RANBP2: variants seen among roughly 807,000 people sequenced by gnomAD.
RANBP2 encodes RAN binding protein 2, also known as E3 SUMO-protein ligase RanBP2.
RANBP2 carries 57 observed loss-of-function variants against 303.6 expected under a neutral mutation model. That is an observed-to-expected ratio of 0.19 (90% CI 0.15 to 0.23). The LOEUF (loss-of-function observed/expected upper bound fraction) is 0.23. Among genes scored for constraint, RANBP2 ranks in the 10% least tolerant of loss-of-function variants. RANBP2 has a pLI of 1.00. For missense variants in RANBP2, 3,138 were observed against 3,780.8 expected (o/e 0.83, Z 4.46); for synonymous variants, 1,167 against 1,301.5 (o/e 0.90, Z 2.23).
the RANBP2 span, among the ~76,000 whole-genome samples, chr2:109,199,497 T>TC: frequency 3.9e-3 from 1 of 256 alleles, no homozygotes; most frequent in Non-Finnish European, 0.011. Flanking sequence ...ATGGAATGGA[T>TC]GGAATGGAAT....
chr2:108,959,648 G>A, the RANBP2 span, among the ~76,000 whole-genome samples: 11 of 152,156 alleles, frequency 7.2e-5, no homozygotes, highest in African/African-American at 2.2e-4. Context: ...TGTGGCATGC[G>A]CCCTGGGACT....
the RANBP2 span, among the ~76,000 whole-genome samples, chr2:109,380,283 T>C: frequency 6.6e-6 from 1 of 152,226 alleles, no homozygotes; most frequent in Non-Finnish European, 1.5e-5. Flanking sequence ...TTACATTCCA[T>C]TGCTGCTGGG....
At chr2:109,376,712 G>T in the RANBP2 span, among the ~76,000 whole-genome samples, 6 of 152,232 alleles carry the variant, frequency 3.9e-5, no homozygotes, top group Non-Finnish European at 8.8e-5. Context: ...GAAATTGGCT[G>T]CTCCCTGTGT....
At chr2:108,850,421 A>G in the RANBP2 span, among the ~76,000 whole-genome samples, 4 of 152,274 alleles carry the variant, frequency 2.6e-5, no homozygotes, top group African/African-American at 9.6e-5. Context: ...AAGAATCAGC[A>G]TATATAATAC....
At chr2:108,951,713 C>T in the RANBP2 span, among the ~76,000 whole-genome samples, 1 of 152,084 alleles carries the variant, frequency 6.6e-6, no homozygotes, top group South Asian at 2.1e-4. Flanking sequence ...CTAGATCATT[C>T]TAAAGGTTCT....
At chr2:109,615,244 CGGA>C in the RANBP2 span, 2 of 1,552,034 alleles carry the variant, frequency 1.3e-6, no homozygotes, top group African/African-American at 1.4e-5. Context: ...TCGTCGTCCG[CGGA>C]GGAGGAGAGC....
the RANBP2 span, among the ~76,000 whole-genome samples, chr2:109,033,269 C>T: frequency 5.3e-5 from 8 of 152,158 alleles, no homozygotes; most frequent in Non-Finnish European, 8.8e-5. Context: ...ATTCTGATTT[C>T]CACGACTCCT....
chr2:109,151,433 C>T, the RANBP2 span, among the ~76,000 whole-genome samples: 1 of 152,136 alleles, frequency 6.6e-6, no homozygotes, highest in Non-Finnish European at 1.5e-5. Context: ...AAAGCAGCAC[C>T]ATCCAATACA....
the RANBP2 span, among the ~76,000 whole-genome samples, chr2:109,738,924 T>C: frequency 1.1e-3 from 160 of 151,664 alleles, 5 homozygotes; most frequent in South Asian, 0.033. Context: ...TTTGGTTTAA[T>C]TTTTGTTTAA....
the RANBP2 span, among the ~76,000 whole-genome samples, chr2:109,452,794 A>C: frequency 2.9e-5 from 4 of 137,856 alleles, no homozygotes; most frequent in African/African-American, 1.1e-4. Flanking sequence ...GGTCCCTGGG[A>C]GGCTGGTGCT....
the RANBP2 span, among the ~76,000 whole-genome samples, chr2:108,818,230 T>TG: frequency 7.2e-5 from 11 of 151,964 alleles, no homozygotes; most frequent in Admixed American, 5.9e-4. Context: ...CACCTGAACC[T>TG]GGGGGGGTCG....
chr2:109,170,059 C>T, the RANBP2 span, among the ~76,000 whole-genome samples: 1 of 152,270 alleles, frequency 6.6e-6, no homozygotes, highest in African/African-American at 2.4e-5. Context: ...ATAATCATGG[C>T]ATTTTGGCCA....
the RANBP2 span, among the ~76,000 whole-genome samples, chr2:108,981,776 C>T: frequency 2.6e-5 from 4 of 152,198 alleles, no homozygotes; most frequent in Non-Finnish European, 5.9e-5. Context: ...ATGAACTTAC[C>T]AGGAGGGAGG....
the RANBP2 span, among the ~76,000 whole-genome samples, chr2:109,191,593 T>C: frequency 1.3e-5 from 2 of 152,048 alleles, no homozygotes; most frequent in African/African-American, 4.8e-5. Flanking sequence ...GGGCAGGCAT[T>C]TCCCACCCTT....
the RANBP2 span, among the ~76,000 whole-genome samples, chr2:109,676,883 G>A: frequency 6.6e-6 from 1 of 152,156 alleles, no homozygotes; most frequent in Non-Finnish European, 1.5e-5. Flanking sequence ...CATCATCTAT[G>A]TCTAGATACG....
the RANBP2 span, among the ~76,000 whole-genome samples, chr2:109,090,566 GT>G: frequency 1.4e-4 from 21 of 152,084 alleles, no homozygotes; most frequent in African/African-American, 5.1e-4. Context: ...CAAAATCACT[GT>G]TTTTTTCCTT....
the RANBP2 span, among the ~76,000 whole-genome samples, chr2:108,842,209 T>G: frequency 6.6e-6 from 1 of 151,944 alleles, no homozygotes; most frequent in African/African-American, 2.4e-5. Context: ...AAAGTTTTTT[T>G]TTTTTTTTTG....
At chr2:108,890,416 T>C in the RANBP2 span, among the ~76,000 whole-genome samples, 1 of 151,988 alleles carries the variant, frequency 6.6e-6, no homozygotes, top group East Asian at 1.9e-4. Flanking sequence ...GCTAATGTTT[T>C]GTGTTTTTGG....
chr2:109,325,286 A>G, the RANBP2 span, among the ~76,000 whole-genome samples: 1 of 147,488 alleles, frequency 6.8e-6, no homozygotes, highest in African/African-American at 2.5e-5. Context: ...CCCAGGAGTC[A>G]TTGGATTTCA....
Sources: gnomAD v4.1 joint callset for allele counts (sites outside exome capture counted in the v4.1 genomes callset) on GRCh38, gnomAD v4.1.1 for gene constraint, MANE v1.5 for transcripts, NCBI Gene and HGNC (gene_info 2026-07-23, HGNC 2026-07-21) for gene names.